The following WDPCP variants were observed in gnomAD, a reference collection of about 807,000 sequenced individuals.
WDPCP encodes the protein WD repeat-containing and planar cell polarity effector protein fritz homolog.
WDPCP carries 71 observed loss-of-function variants against 93.1 expected under a neutral mutation model. The observed-to-expected ratio is 0.76, with a 90% confidence interval of 0.63 to 0.93. The LOEUF is 0.93. Among genes scored for constraint, WDPCP ranks in the 40% least tolerant of loss-of-function variants. The pLI is 0.00. For synonymous variants in WDPCP, 315 were observed against 315.0 expected, an observed-to-expected ratio of 1.00 and a Z score of 0.00; for missense variants, 844 against 887.4, an observed-to-expected ratio of 0.95 and a Z score of 0.62.
intron 17 of WDPCP, among the ~76,000 whole-genome samples, chr2:63,130,558 T>C (rs1451162481): frequency 2.0e-5 from 3 of 152,212 alleles, no homozygotes; most frequent in African/African-American, 7.2e-5. Flanking sequence ...TTCAACTTTA[T>C]TGTTTGTTTT....
At chr2:63,563,207 TA>T (rs1706763076) in intron 1 of WDPCP, among the ~76,000 whole-genome samples, 1 of 152,056 alleles carries the variant, frequency 6.6e-6, no homozygotes, top group Non-Finnish European at 1.5e-5. Context: ...ATTGTAATGT[TA>T]ATAGAACAAG....
At chr2:63,580,366 GATT>G (rs1436795395) in intron 1 of WDPCP, among the ~76,000 whole-genome samples, 1 of 152,134 alleles carries the variant, frequency 6.6e-6, no homozygotes, top group Non-Finnish European at 1.5e-5. Context: ...TGTCCCCACT[GATT>G]ATTAATTATA....
intron 15 of WDPCP, among the ~76,000 whole-genome samples, chr2:63,158,973 CAAAAAAAAAAAAAA>C (rs34001322): frequency 3.3e-5 from 2 of 61,138 alleles, no homozygotes; most frequent in Non-Finnish European, 5.7e-5. Flanking sequence ...CTCATCTCTA[CAAAAAAAAAAAAAA>C]AAAAAAAAAA....
intron 1 of WDPCP, among the ~76,000 whole-genome samples, chr2:63,503,702 T>C (rs1051247949): frequency 1.3e-5 from 2 of 152,116 alleles, no homozygotes; most frequent in African/African-American, 4.8e-5. Context: ...TTTTATGCCA[T>C]ACTTGAATAA....
chr2:63,747,885 T>C (rs1275210766), intron 2 of WDPCP, among the ~76,000 whole-genome samples: 1 of 152,106 alleles, frequency 6.6e-6, no homozygotes, highest in African/African-American at 2.4e-5. Context: ...ATCTTTATAA[T>C]ATAGAATCTT....
At chr2:63,612,136 G>A (rs190987163) in intron 3 of WDPCP, among the ~76,000 whole-genome samples, 4 of 152,114 alleles carry the variant, frequency 2.6e-5, no homozygotes, top group South Asian at 2.1e-4. Flanking sequence ...TTTACTTCAC[G>A]TTTTTTGAAG....
At chr2:63,317,358 A>C (rs941842667) in intron 12 of WDPCP, among the ~76,000 whole-genome samples, 8 of 151,658 alleles carry the variant, frequency 5.3e-5, no homozygotes, top group African/African-American at 9.7e-5. Flanking sequence ...CAGTGAGCCA[A>C]GATCGCACCA....
intron 1 of WDPCP, among the ~76,000 whole-genome samples, chr2:63,523,368 C>A (rs1703084770): frequency 6.6e-6 from 1 of 152,164 alleles, no homozygotes; most frequent in South Asian, 2.1e-4. Context: ...TGGGCAAAAG[C>A]TGGAAGCATT....
At chr2:63,826,209 C>T (rs1248712096) in intron 1 of WDPCP, among the ~76,000 whole-genome samples, 1 of 151,960 alleles carries the variant, frequency 6.6e-6, no homozygotes, top group African/African-American at 2.4e-5. Flanking sequence ...TAATAGGATA[C>T]AGGATACTGT....
chr2:63,492,737 A>T, intron 2 of WDPCP, 119 bp downstream of exon 2: 2 of 873,438 alleles, frequency 2.3e-6, no homozygotes, highest in Non-Finnish European at 3.7e-6. Context: ...ATTTTTCATT[A>T]AGAATAAAGA....
chr2:63,173,268 C>CAA (rs10714315), intron 15 of WDPCP, among the ~76,000 whole-genome samples: 10 of 123,976 alleles, frequency 8.1e-5, no homozygotes, highest in East Asian at 2.9e-4. Context: ...AACTCTGTCG[C>CAA]AAAAAAAAAA....
intron 6 of WDPCP, among the ~76,000 whole-genome samples, chr2:63,464,011 C>A (rs1390773260): frequency 6.6e-6 from 1 of 151,942 alleles, no homozygotes; most frequent in Non-Finnish European, 1.5e-5. Flanking sequence ...AAAGCAAAAA[C>A]AAACAAATGG....
At chr2:63,278,570 G>A (rs1683260714) in intron 13 of WDPCP, among the ~76,000 whole-genome samples, 1 of 152,206 alleles carries the variant, frequency 6.6e-6, no homozygotes, top group Non-Finnish European at 1.5e-5. Context: ...GCTCATGCCT[G>A]TAATCTCAGC....
intron 1 of WDPCP, among the ~76,000 whole-genome samples, chr2:63,531,759 C>T (rs1209607217): frequency 6.6e-6 from 1 of 152,130 alleles, no homozygotes; most frequent in Non-Finnish European, 1.5e-5. Flanking sequence ...GGGGGGAAAC[C>T]AGAGCAGAAA....
intron 15 of WDPCP, among the ~76,000 whole-genome samples, chr2:63,164,152 A>C (rs1447954711): frequency 6.6e-6 from 1 of 152,210 alleles, no homozygotes; most frequent in Admixed American, 6.5e-5. Context: ...AAATTGAGGC[A>C]ACCAGAGAAG....
intron 12 of WDPCP, among the ~76,000 whole-genome samples, chr2:63,339,040 C>G (rs1688654879): frequency 1.3e-5 from 2 of 152,142 alleles, no homozygotes; most frequent in South Asian, 4.2e-4. Context: ...ATGTGTGTCT[C>G]TTCAATTTCT....
chr2:63,542,242 A>AT (rs530944926), intron 1 of WDPCP, among the ~76,000 whole-genome samples: 46 of 150,274 alleles, frequency 3.1e-4, no homozygotes, highest in Admixed American at 1.8e-3. Context: ...GGAAGGAAGC[A>AT]TTTTTTTTTT....
chr2:63,824,509 C>T (rs976268060), intron 1 of WDPCP, among the ~76,000 whole-genome samples: 7 of 122,968 alleles, frequency 5.7e-5, no homozygotes, highest in Admixed American at 2.1e-4. Context: ...GATCACGCCA[C>T]TGCACTCCAG....
chr2:63,720,391 C>T (rs112500207), intron 2 of WDPCP, among the ~76,000 whole-genome samples: 2,300 of 149,688 alleles, frequency 0.015, 18 homozygotes, highest in African/African-American at 0.017. Context: ...CACTCCAGCC[C>T]GGGTGACAGA....
Sources: gnomAD v4.1 joint callset for allele counts (sites outside exome capture counted in the v4.1 genomes callset) on GRCh38, gnomAD v4.1.1 for gene constraint, MANE v1.5 for transcripts, NCBI Gene and HGNC (gene_info 2026-07-23, HGNC 2026-07-21) for gene names.